The following KLRG2 variants were observed in gnomAD, a reference collection of about 807,000 sequenced individuals.
KLRG2 encodes the protein killer cell lectin like receptor G2, also known as killer cell lectin-like receptor subfamily G member 2.
A neutral mutation model predicts 35.4 loss-of-function variants in KLRG2; 39 were observed. That is an observed-to-expected ratio of 1.10 (90% CI 0.85 to 1.44). The LOEUF is 1.44. Ranked by LOEUF, KLRG2 falls within the 40% of genes most tolerant of loss-of-function variation. The pLI, the probability that KLRG2 is intolerant of heterozygous loss-of-function variation, is 0.00. For synonymous variants in KLRG2, 283 were observed against 265.8 expected (o/e 1.06, Z -0.63); for missense variants, 632 against 570.9 (o/e 1.11, Z -1.09).
chr7:139,483,412 G>T lies in KLRG2; in HGVS notation c.231C>A (p.Ser77=), dbSNP rs1797006713. Residue 77 remains serine (S), a synonymous_variant, in exon 1 of 5, where the codon TCC becomes TCA. Coordinates refer to ENST00000340940, the MANE Select transcript of KLRG2 (RefSeq NM_198508.4). The part of the protein sequence containing the change: ...KKKPPSPRPG[S]PRVPPLSLGY... ...CCAGGCTGAGCGGCGGCACGCGCGG[G>T]GACCCGGGGCGAGGCGAAGGCGGCT... 6.5e-6 allele frequency: 10 copies of T among 1,546,016 alleles called. No individual in the cohort carries two copies. The highest frequency in any genetic ancestry group is 8.6e-6 in the Non-Finnish European group (10 of 1,158,912).
the KLRG2 span, among the ~76,000 whole-genome samples, chr7:139,443,484 A>G: frequency 6.6e-6 from 1 of 152,206 alleles, no homozygotes; most frequent in African/African-American, 2.4e-5. Flanking sequence ...AAGTCCTAGG[A>G]AAAAATGAAA....
At chr7:139,450,893 C>G (rs1301131914), downstream of KLRG2, among the ~76,000 whole-genome samples, 1 of 152,176 alleles carries the variant, frequency 6.6e-6, no homozygotes, top group African/African-American at 2.4e-5. Context: ...TGGGTGACTT[C>G]TGAGGCTAGC....
At chr7:139,437,824 G>C in the KLRG2 span, among the ~76,000 whole-genome samples, 1 of 152,188 alleles carries the variant, frequency 6.6e-6, no homozygotes, top group Non-Finnish European at 1.5e-5. Flanking sequence ...GGGATTGTGT[G>C]TTTGAGATCA....
At chr7:139,445,781 G>GTATGTATA in the KLRG2 span, among the ~76,000 whole-genome samples, 31 of 98,486 alleles carry the variant, frequency 3.1e-4, 6 homozygotes, top group African/African-American at 2.4e-3. Context: ...ATATATATAT[G>GTATGTATA]TATATATATA....
chr7:139,466,788 A>G (rs1374145348), intron 3 of KLRG2, among the ~76,000 whole-genome samples: 1 of 151,884 alleles, frequency 6.6e-6, no homozygotes, highest in Non-Finnish European at 1.5e-5. Flanking sequence ...ATATTTTTAA[A>G]TGAACAGTGC....
chr7:139,478,631 C>A (rs1796898364), intron 3 of KLRG2, among the ~76,000 whole-genome samples: 1 of 150,448 alleles, frequency 6.6e-6, no homozygotes, highest in African/African-American at 2.5e-5. Flanking sequence ...GATTATGCCA[C>A]TGCACTCCAG....
chr7:139,471,009 A>C (rs1433505381), intron 3 of KLRG2, among the ~76,000 whole-genome samples: 1 of 150,626 alleles, frequency 6.6e-6, no homozygotes, highest in Non-Finnish European at 1.5e-5. Context: ...CACCTGGATA[A>C]TTTTTGTTTT....
At chr7:139,456,400 C>T (rs1397409909) in intron 3 of KLRG2, among the ~76,000 whole-genome samples, 1 of 152,116 alleles carries the variant, frequency 6.6e-6, no homozygotes, top group African/African-American at 2.4e-5. Flanking sequence ...GAGTCTTGCT[C>T]AGCCACCTAG....
At chr7:139,467,501 T>C (rs1796682593) in intron 3 of KLRG2, among the ~76,000 whole-genome samples, 1 of 152,124 alleles carries the variant, frequency 6.6e-6, no homozygotes, top group Non-Finnish European at 1.5e-5. Context: ...AAAAAAATTC[T>C]TCTGCCTTGG....
the KLRG2 span, among the ~76,000 whole-genome samples, chr7:139,440,204 G>C: frequency 6.6e-6 from 1 of 152,080 alleles, no homozygotes; most frequent in Non-Finnish European, 1.5e-5. Context: ...CCGTCTCCCA[G>C]GTTCGGGCAA....
At chr7:139,472,990 C>G (rs1796786375) in intron 3 of KLRG2, among the ~76,000 whole-genome samples, 3 of 152,106 alleles carry the variant, frequency 2.0e-5, no homozygotes, top group South Asian at 4.1e-4. Context: ...GGTGTTTATA[C>G]TAAAAAGGGA....
intron 4 of KLRG2, among the ~76,000 whole-genome samples, 178 bp from the exon 5 acceptor site, chr7:139,453,885 C>T (rs1434102308): frequency 1.3e-5 from 2 of 152,166 alleles, no homozygotes; most frequent in African/African-American, 4.8e-5. Context: ...GGGCAGCTGA[C>T]CCCGCATCTG....
At position 139,483,313 on chromosome 7, in the gene KLRG2, G is replaced by A. The variant is rs1023905593; in HGVS notation, c.330C>T (p.Pro110=). ...AGGCGCTGGGCGCAGGCTCAGCCCC[G>A]GGCGCCTCGCCATTCCGGGGCAGCT... ...LVKLPRNGEA[P]GAEPAPSAWA... Residue 110 remains proline (P), a synonymous_variant, in exon 1 of 5, where the codon CCC becomes CCT. Transcript: ENST00000340940. 1.3e-6 allele frequency: 2 copies of A among 1,551,960 alleles called. No homozygotes were observed. Among genetic ancestry groups the A allele is most frequent in the African/African-American group, 1.4e-5 (1 of 71,250 alleles).
chr7:139,479,735 C>A lies in KLRG2; in HGVS notation c.897G>T (p.Leu299Phe), dbSNP rs149313094. The A allele has an allele frequency of 5.0e-6, 8 of 1,614,034 alleles. No individual in the cohort carries two copies. The highest frequency in any genetic ancestry group is 6.8e-6 in the Non-Finnish European group (8 of 1,179,986). Residue 299 changes from leucine to phenylalanine, a missense_variant, in exon 3 of 5, where the codon TTG becomes TTT. Transcript: ENST00000340940. ...RCQQCPPGWVLSEEHCYYFSA... is the reference protein window; with the variant it reads ...RCQQCPPGWVFSEEHCYYFSA... ...AGAAGTAGTAACAGTGCTCCTCGGACAACACCCAGCCTGGGGGGCACTGCT... is the reference window on the plus strand; with the variant it reads ...AGAAGTAGTAACAGTGCTCCTCGGAAAACACCCAGCCTGGGGGGCACTGCT...
In KLRG2 at chr7:139,480,210, C is replaced by T; in HGVS notation, c.795G>A (p.Leu265=). ...CTGCCAGGAGCACAGCCATGAACGC[C>T]AGGGCCCAGTACAGGGACTTCACGT... The part of the protein sequence containing the change: ...PMYVKSLYWA[L]AFMAVLLAVS... The change falls in exon 2 of 5, where the codon CTG becomes CTA. Residue 265 remains leucine (L), a synonymous_variant. Coordinates refer to ENST00000340940, the MANE Select transcript of KLRG2 (RefSeq NM_198508.4). The T allele has an allele frequency of 6.2e-7, 1 of 1,613,626 alleles. No homozygotes were observed. The highest frequency in any genetic ancestry group is 1.3e-5 in the African/African-American group (1 of 74,958).
chr7:139,436,311 G>A, the KLRG2 span, among the ~76,000 whole-genome samples: 2 of 151,922 alleles, frequency 1.3e-5, no homozygotes, highest in African/African-American at 2.4e-5. Flanking sequence ...CTGCTGTTCC[G>A]TCTGCCCTTC....
At chr7:139,481,033 C>T (rs541733487) in intron 1 of KLRG2, among the ~76,000 whole-genome samples, 4 of 152,268 alleles carry the variant, frequency 2.6e-5, no homozygotes, top group East Asian at 1.9e-4. Flanking sequence ...CGTGAGCCAC[C>T]GTGCCCAGCT....
intron 1 of KLRG2, among the ~76,000 whole-genome samples, chr7:139,482,681 C>G (rs1347326883): frequency 6.6e-6 from 1 of 152,170 alleles, no homozygotes; most frequent in Non-Finnish European, 1.5e-5. Flanking sequence ...GCGTGAGACA[C>G]GGCAACAATG....
At chr7:139,441,838 G>T in the KLRG2 span, among the ~76,000 whole-genome samples, 1 of 152,174 alleles carries the variant, frequency 6.6e-6, no homozygotes, top group Non-Finnish European at 1.5e-5. Flanking sequence ...AACCAAGGCT[G>T]GCTATTTAGA....
Sources: allele counts gnomAD v4.1 joint callset (sites outside exome capture counted in the v4.1 genomes callset), GRCh38; gene constraint gnomAD v4.1.1; transcripts MANE v1.5; gene names NCBI Gene and HGNC (gene_info 2026-07-23, HGNC 2026-07-21).